NF1: variants seen among roughly 807,000 people sequenced by gnomAD.
NF1 encodes neurofibromin 1, also known as neurofibromin.
A neutral mutation model predicts 325.7 loss-of-function variants in NF1; 122 were observed. The ratio of observed to expected loss-of-function variants is 0.37; its 90% CI spans 0.32 to 0.44. NF1 has a LOEUF of 0.44. NF1 is among the 20% of genes least tolerant of loss of function. The probability of loss-of-function intolerance (pLI) is 1.00; values close to 1 mark genes in which losing one functional copy is unlikely to be tolerated. For synonymous variants in NF1, 1,091 were observed against 1,186.0 expected (o/e 0.92, Z 1.65); for missense variants, 2,140 against 3,415.4 (o/e 0.63, Z 9.31).
At chr17:31,352,498 A>C in intron 51 of NF1, 84 bp downstream of exon 51, 1 of 1,341,794 alleles carries the variant, frequency 7.5e-7, no homozygotes, top group Non-Finnish European at 1.0e-6. Flanking sequence ...TTGAAATTTC[A>C]GGATTATCAA....
chr17:31,184,823 A>G (rs1272013167), intron 8 of NF1, among the ~76,000 whole-genome samples: 1 of 152,020 alleles, frequency 6.6e-6, no homozygotes, highest in African/African-American at 2.4e-5. Context: ...ACAAACACAA[A>G]CTCTTATCAT....
At chr17:31,140,508 A>G (rs1178281724) in intron 1 of NF1, among the ~76,000 whole-genome samples, 6 of 152,368 alleles carry the variant, frequency 3.9e-5, no homozygotes, top group African/African-American at 7.2e-5. Flanking sequence ...TAATAAAACA[A>G]TATATCCTTA....
intron 36 of NF1, chr17:31,295,848 GA>G: frequency 6.2e-7 from 1 of 1,614,140 alleles, no homozygotes; most frequent in Non-Finnish European, 8.5e-7. Context: ...ATGTTGGTTG[GA>G]ACTGTCCAAA....
At chr17:31,344,812 C>G (rs1283412113) in intron 48 of NF1, among the ~76,000 whole-genome samples, 1 of 152,220 alleles carries the variant, frequency 6.6e-6, no homozygotes, top group African/African-American at 2.4e-5. Context: ...GCGGCTCATG[C>G]CTGTAATCCC....
chr17:31,366,752 T>G (rs1008574669), intron 57 of NF1, among the ~76,000 whole-genome samples: 2 of 152,152 alleles, frequency 1.3e-5, no homozygotes, highest in Admixed American at 1.3e-4. Context: ...ATATCTCCCT[T>G]TTAGAAGAAA....
rs764332485 is a variant in NF1 at position 31,230,269 on chromosome 17, T to C, written c.3000T>C (p.Arg1000=). ...TMMLNLVRYV[R]VLGNMVHAIQ... is the part of the protein sequence containing the mutation. ...TTCTATGTCTATATAGGTATGTTCG[T>C]GTGCTTGGGAATATGGTCCATGCAA... Residue 1000 remains arginine, a synonymous_variant, in exon 23 of 58, where the codon CGT becomes CGC. Coordinates refer to ENST00000358273, the MANE Select transcript of NF1 (RefSeq NM_001042492.3). 36 of 1,613,318 alleles carry C rather than the reference T, an allele frequency of 2.2e-5. No homozygotes were observed. Among genetic ancestry groups the C allele is most frequent in the Non-Finnish European group, 3.1e-5 (36 of 1,179,512 alleles).
intron 36 of NF1, chr17:31,314,270 C>A (rs1362127170): frequency 6.1e-6 from 2 of 328,872 alleles, no homozygotes; most frequent in African/African-American, 4.3e-5. Flanking sequence ...ATTTGAGATA[C>A]TCTAGTAATA....
intron 29 of NF1, among the ~76,000 whole-genome samples, chr17:31,236,932 C>T (rs1885822108): frequency 6.6e-6 from 1 of 152,162 alleles, no homozygotes; most frequent in South Asian, 2.1e-4. Flanking sequence ...ATCTTTATAT[C>T]CTTCCATGAA....
At chr17:31,272,591 GTTCA>G (rs2067921718) in intron 36 of NF1, 1 of 152,226 alleles carries the variant, frequency 6.6e-6, no homozygotes, top group Non-Finnish European at 1.5e-5. Flanking sequence ...CAGGATTGGG[GTTCA>G]TTCTGGGATT....
intron 29 of NF1, among the ~76,000 whole-genome samples, chr17:31,245,854 C>G (rs2067380678): frequency 6.6e-6 from 1 of 152,166 alleles, no homozygotes; most frequent in Non-Finnish European, 1.5e-5. Context: ...CCTTCAGCCT[C>G]TCTCCTCTCC....
At chr17:31,342,861 T>C (rs1332691231) in intron 47 of NF1, 148 bp from the exon 48 acceptor site, 2 of 923,150 alleles carry the variant, frequency 2.2e-6, no homozygotes, top group Non-Finnish European at 3.4e-6. Context: ...TAAAATGTTC[T>C]GTGGTTTTCT....
intron 57 of NF1, chr17:31,367,237 G>C: frequency 7.6e-7 from 1 of 1,310,274 alleles, no homozygotes; most frequent in Non-Finnish European, 1.0e-6. Context: ...TCTCTGCCTT[G>C]CTCTAAATCA....
intron 51 of NF1, chr17:31,355,997 A>G (rs1192939928): frequency 6.4e-6 from 1 of 155,662 alleles, no homozygotes; most frequent in African/African-American, 2.4e-5. Flanking sequence ...TTCAAAGCTT[A>G]AAAAATTAAA....
chr17:31,237,568 C>T (rs1597724625), intron 29 of NF1, among the ~76,000 whole-genome samples: 2 of 152,022 alleles, frequency 1.3e-5, no homozygotes, highest in African/African-American at 4.8e-5. Flanking sequence ...TGAGCCACCA[C>T]GCCTGGCCAA....
intron 44 of NF1, 64 bp downstream of exon 44, chr17:31,337,944 G>C (rs972475083): frequency 7.8e-6 from 12 of 1,537,560 alleles, no homozygotes; most frequent in African/African-American, 4.1e-5. Context: ...AGCTATTACT[G>C]TATGATCAAT....
intron 51 of NF1, 106 bp downstream of exon 51, chr17:31,352,520 T>C: frequency 7.9e-6 from 9 of 1,142,196 alleles, no homozygotes; most frequent in Non-Finnish European, 1.1e-5. Context: ...ATTTTCCATG[T>C]CAGTGTAGCA....
At chr17:31,108,825 G>A (rs1038289845) in intron 1 of NF1, among the ~76,000 whole-genome samples, 1 of 152,162 alleles carries the variant, frequency 6.6e-6, no homozygotes, top group African/African-American at 2.4e-5. Flanking sequence ...TAACAGGGGG[G>A]CAAGCCAAGC....
intron 29 of NF1, among the ~76,000 whole-genome samples, chr17:31,242,650 A>G (rs560892641): frequency 7.9e-5 from 12 of 152,174 alleles, no homozygotes; most frequent in East Asian, 7.7e-4. Flanking sequence ...AATTGTTTCA[A>G]TCTCTTCGTT....
intron 33 of NF1, among the ~76,000 whole-genome samples, chr17:31,259,609 T>G (rs894462610): frequency 3.3e-5 from 5 of 152,188 alleles, no homozygotes; most frequent in African/African-American, 1.2e-4. Flanking sequence ...AACTGAACTT[T>G]ATGATTTTAG....
Sources: gnomAD v4.1 joint callset for allele counts (sites outside exome capture counted in the v4.1 genomes callset) on GRCh38, gnomAD v4.1.1 for gene constraint, MANE v1.5 for transcripts, NCBI Gene and HGNC (gene_info 2026-07-23, HGNC 2026-07-21) for gene names.